FAM90A20: variants seen among roughly 807,000 people sequenced by gnomAD.
The protein encoded by FAM90A20 is family with sequence similarity 90 member A20.
At chr8:7,297,302 G>A in the FAM90A20 span, 12 of 1,357,024 alleles carry the variant, frequency 8.8e-6, no homozygotes, top group South Asian at 9.3e-5. Context: ...GACTCTCCTC[G>A]TGGTGGAGCC....
chr8:7,295,653 C>T, the FAM90A20 span: 2 of 696,992 alleles, frequency 2.9e-6, no homozygotes, highest in Non-Finnish European at 2.5e-6. Flanking sequence ...AACTGCGGGG[C>T]CTTTGGCCAC....
the FAM90A20 span, among the ~76,000 whole-genome samples, chr8:7,296,043 C>T: frequency 1.5e-5 from 2 of 129,774 alleles, 1 homozygote; most frequent in African/African-American, 8.3e-5. Flanking sequence ...GGGGGCGCTT[C>T]ATGCAGGTTC....
chr8:7,297,302 G>T, the FAM90A20 span: 12 of 1,357,088 alleles, frequency 8.8e-6, 1 homozygote, highest in South Asian at 1.2e-4. Flanking sequence ...GACTCTCCTC[G>T]TGGTGGAGCC....
At chr8:7,297,834 G>T in the FAM90A20 span, 1 of 1,014,886 alleles carries the variant, frequency 9.9e-7, no homozygotes. Flanking sequence ...CTGGAAAACG[G>T]ACGCTGGAGC....
At chr8:7,297,511 C>A in the FAM90A20 span, 3 of 1,514,510 alleles carry the variant, frequency 2.0e-6, no homozygotes, top group Non-Finnish European at 2.7e-6. Context: ...AGAGACCTGC[C>A]CAGGCTCCGA....
At chr8:7,297,343 A>G in the FAM90A20 span, 2 of 1,398,944 alleles carry the variant, frequency 1.4e-6, no homozygotes, top group Admixed American at 1.7e-5. Context: ...GTAGCTGCCG[A>G]GAAGTTCCCC....
chr8:7,297,452 A>C, the FAM90A20 span: 4 of 1,553,258 alleles, frequency 2.6e-6, no homozygotes, highest in South Asian at 3.3e-5. Context: ...ATCAGCCGCC[A>C]CACACAGCTT....
chr8:7,297,408 A>T, the FAM90A20 span: 1 of 1,547,314 alleles, frequency 6.5e-7, no homozygotes, highest in Admixed American at 1.7e-5. Flanking sequence ...CAGGCACAAG[A>T]CAAACGTCCT....
At chr8:7,297,793 G>T in the FAM90A20 span, 29 of 1,283,160 alleles carry the variant, frequency 2.3e-5, 1 homozygote, top group South Asian at 1.3e-4. Flanking sequence ...GCCATGATGG[G>T]GCCCAGCCTC....
At chr8:7,296,146 G>T in the FAM90A20 span, 1 of 591,840 alleles carries the variant, frequency 1.7e-6, no homozygotes. Context: ...GTTGGCACGT[G>T]AGGGAAGGTG....
At chr8:7,296,913 G>T in the FAM90A20 span, 8 of 671,250 alleles carry the variant, frequency 1.2e-5, 1 homozygote, top group Non-Finnish European at 1.3e-5. Flanking sequence ...CAGCACTCAG[G>T]TGGAGGGTCT....
At chr8:7,296,189 T>C in the FAM90A20 span, 3 of 650,542 alleles carry the variant, frequency 4.6e-6, no homozygotes, top group Non-Finnish European at 8.4e-6. Flanking sequence ...TTTCCATTTC[T>C]GTATCACAAG....
the FAM90A20 span, chr8:7,297,889 G>A: frequency 1.5e-5 from 11 of 756,546 alleles, no homozygotes; most frequent in Admixed American, 6.1e-5. Flanking sequence ...CTGAGAAGCC[G>A]GGAGCCTTCC....
chr8:7,295,565 G>A, the FAM90A20 span: 2 of 672,334 alleles, frequency 3.0e-6, no homozygotes, highest in East Asian at 2.8e-5. Context: ...CCATCCCAAT[G>A]TTAACGTGGG....
chr8:7,297,373 C>A, the FAM90A20 span: 2 of 1,489,672 alleles, frequency 1.3e-6, no homozygotes, highest in Non-Finnish European at 1.8e-6. Context: ...CCAAAACCCA[C>A]GGCCTGCTCC....
the FAM90A20 span, chr8:7,295,571 G>C: frequency 1.3e-5 from 9 of 671,426 alleles, no homozygotes; most frequent in South Asian, 2.9e-5. Context: ...CAATGTTAAC[G>C]TGGGATCGCT....
the FAM90A20 span, chr8:7,297,329 G>A: frequency 7.3e-7 from 1 of 1,366,922 alleles, no homozygotes; most frequent in Non-Finnish European, 1.0e-6. Flanking sequence ...CAGCAGCCCT[G>A]AGGGTAGCTG....
chr8:7,297,152 G>T, the FAM90A20 span: 3 of 1,529,116 alleles, frequency 2.0e-6, no homozygotes, highest in East Asian at 2.2e-5. Flanking sequence ...CGAAATGTCT[G>T]GCAGGGGCTC....
chr8:7,296,544 G>T, the FAM90A20 span: 1 of 609,204 alleles, frequency 1.6e-6, no homozygotes, highest in Non-Finnish European at 3.0e-6. Flanking sequence ...TTGCAGGTCA[G>T]TTTGATTCCA....
Sources: gnomAD v4.1 joint callset for allele counts (sites outside exome capture counted in the v4.1 genomes callset) on GRCh38, gnomAD v4.1.1 for gene constraint, MANE v1.5 for transcripts, NCBI Gene and HGNC (gene_info 2026-07-23, HGNC 2026-07-21) for gene names.